The following PRKCB variants were observed in gnomAD, a reference collection of about 807,000 sequenced individuals.
The protein encoded by PRKCB is protein kinase C beta.
In PRKCB, 13 loss-of-function variants were observed where a neutral mutation model predicts 81.5. That is an observed-to-expected ratio of 0.16 (90% CI 0.10 to 0.25). The LOEUF is 0.25. Among genes scored for constraint, PRKCB ranks in the 10% least tolerant of loss-of-function variants. The pLI is 1.00. For synonymous variants in PRKCB, 335 were observed against 321.4 expected, an observed-to-expected ratio of 1.04 and a Z score of -0.45; for missense variants, 509 against 875.7, an observed-to-expected ratio of 0.58 and a Z score of 5.29.
intron 9 of PRKCB, among the ~76,000 whole-genome samples, chr16:24,151,125 T>G (rs888800163): frequency 6.6e-6 from 1 of 152,226 alleles, no homozygotes; most frequent in African/African-American, 2.4e-5. Context: ...ATGATAAGGT[T>G]ATTTCTGTGT....
chr16:24,018,193 C>G (rs1457223419), intron 3 of PRKCB, among the ~76,000 whole-genome samples: 1 of 152,068 alleles, frequency 6.6e-6, no homozygotes, highest in African/African-American at 2.4e-5. Flanking sequence ...GCCACTGCGC[C>G]CGGCCCATAA....
chr16:24,004,620 A>G (rs1200358910), intron 3 of PRKCB, among the ~76,000 whole-genome samples: 1 of 152,150 alleles, frequency 6.6e-6, no homozygotes, highest in Non-Finnish European at 1.5e-5. Context: ...GCACCACTGC[A>G]CTCCAGCCTG....
At chr16:24,129,674 ATCTG>A (rs1394338387) in intron 9 of PRKCB, among the ~76,000 whole-genome samples, 13 of 151,690 alleles carry the variant, frequency 8.6e-5, no homozygotes, top group African/African-American at 2.4e-4. Flanking sequence ...TTTACCTATT[ATCTG>A]TCTATCTTAT....
chr16:24,124,865 C>T lies in PRKCB; in HGVS notation c.1065+884C>T, dbSNP rs111594123. Among the ~76,000 whole-genome samples, 1,136 of 152,286 alleles carry T rather than the reference C, an allele frequency of 7.5e-3. 10 individuals are homozygous for T. The highest frequency in any genetic ancestry group is 0.026 in the African/African-American group (1,076 of 41,546). On this transcript the variant is annotated intron_variant, in intron 9 of 16. Coordinates refer to ENST00000643927, the MANE Select transcript of PRKCB (RefSeq NM_002738.7). ...TTCCCACTGTTCCTGGCCACCGCCC[C>T]CCACAGCCATGTACAATGCATTGGC...
In PRKCB at chr16:23,988,531, C is replaced by G; in HGVS notation, c.229C>G (p.Arg77Gly). The G allele has an allele frequency of 6.2e-7, 1 of 1,614,058 alleles. No homozygotes were observed. Among genetic ancestry groups the G allele is most frequent in the African/African-American group, 1.3e-5 (1 of 75,044 alleles). The stretch of plus-strand genomic sequence containing the variant: ...AGTTTGCTGCTTTGTGGTGCACAAG[C>G]GGTGCCATGAATTTGTCACATTCTC... ...CQVCCFVVHK[R>G]CHEFVTFSCP... is the part of the protein sequence containing the mutation. Residue 77 changes from arginine to glycine, a missense_variant, in exon 3 of 17, where the codon CGG becomes GGG. Physicochemically the swap from Arg to Gly is moderately radical, Grantham distance 125. Around this residue, in one of 6 missense-constraint regions of PRKCB, gnomAD observed 184 missense variants for 362.9 expected, o/e 0.51. Coordinates refer to ENST00000643927, the MANE Select transcript of PRKCB (RefSeq NM_002738.7).
In PRKCB at chr16:24,219,331, T is replaced by TAACTA. The variant is rs1968283964; in HGVS notation, c.*4515_*4516insAACTA. The TAACTA allele has an allele frequency of 1.1e-6, 1 of 946,078 alleles. No individual in the cohort carries two copies. Among genetic ancestry groups the TAACTA allele is most frequent in the Admixed American group, 8.0e-5 (1 of 12,494 alleles). The allele number at this position is 946,078 out of a possible 1,614,324, so 58.6% of individuals were successfully genotyped here. A position where few individuals can be genotyped will look rare whatever the true frequency, so the allele number is the denominator to read the frequency against. On this transcript the variant is annotated 3_prime_UTR_variant, in exon 17 of 17. Coordinates refer to ENST00000643927, the MANE Select transcript of PRKCB (RefSeq NM_002738.7). ...TTGGGTTTTCTCTCTTATAGTTTGT[T>TAACTA]GACACATGCTAAAAATGTCTTTGGA...
intron 15 of PRKCB, among the ~76,000 whole-genome samples, chr16:24,189,595 T>G (rs1215069205): frequency 7.1e-6 from 1 of 140,928 alleles, no homozygotes; most frequent in East Asian, 2.1e-4. Flanking sequence ...TGACCCGAGA[T>G]CGCGCCTCTG....
rs1965593755 is a variant in PRKCB at position 24,034,858 on chromosome 16, G to A, written c.401-561G>A. Among the ~76,000 whole-genome samples the A allele has an allele frequency of 2.6e-5, 4 of 152,096 alleles. No homozygotes were observed. The South Asian group carries it at 6.2e-4, about 24-fold the overall frequency. On this transcript the variant is annotated intron_variant, in intron 4 of 16. Transcript: ENST00000643927. ...ACATCAGCTTTGATTGCATCCACGT[G>A]GCAAACGAACTTCTCCCCACAAGAG...
intron 3 of PRKCB, among the ~76,000 whole-genome samples, chr16:24,009,097 G>A (rs774295166): frequency 3.9e-5 from 6 of 152,052 alleles, no homozygotes; most frequent in African/African-American, 1.2e-4. Flanking sequence ...CCATTTGTTC[G>A]TCAGTGGACA....
intron 2 of PRKCB, among the ~76,000 whole-genome samples, chr16:23,882,834 T>C (rs1963145241): frequency 6.7e-6 from 1 of 149,834 alleles, no homozygotes; most frequent in Non-Finnish European, 1.5e-5. Context: ...GCAATCCTCC[T>C]ACCTCAGCCT....
intron 5 of PRKCB, among the ~76,000 whole-genome samples, chr16:24,078,303 G>A (rs967725534): frequency 5.3e-5 from 8 of 152,230 alleles, no homozygotes; most frequent in African/African-American, 1.9e-4. Context: ...CAGCACCCAA[G>A]CAAGGGTGGG....
intron 2 of PRKCB, among the ~76,000 whole-genome samples, chr16:23,897,369 T>C (rs141787233): frequency 1.3e-5 from 2 of 152,350 alleles, no homozygotes; most frequent in East Asian, 3.9e-4. Context: ...TGCAAGGGCA[T>C]TTTGAATATA....
chr16:23,995,223 TAA>T (rs1257775939), intron 3 of PRKCB, among the ~76,000 whole-genome samples: 5 of 152,066 alleles, frequency 3.3e-5, no homozygotes, highest in Admixed American at 1.3e-4. Flanking sequence ...ATTCCTCATT[TAA>T]GTGTGTTATG....
chr16:24,037,312 C>T (rs973801405), intron 5 of PRKCB, among the ~76,000 whole-genome samples: 1 of 152,094 alleles, frequency 6.6e-6, no homozygotes, highest in African/African-American at 2.4e-5. Flanking sequence ...GTTTTATGAA[C>T]AAAGAAGCCA....
chr16:24,153,602 G>C (rs377133), intron 9 of PRKCB, among the ~76,000 whole-genome samples: 55,244 of 151,960 alleles, frequency 0.36, 10,414 homozygotes, highest in South Asian at 0.47. Flanking sequence ...TCATTGTTCT[G>C]TCTGGCATAA....
chr16:23,957,723 C>T (rs1471760104), intron 2 of PRKCB, among the ~76,000 whole-genome samples: 4 of 151,954 alleles, frequency 2.6e-5, no homozygotes, highest in African/African-American at 7.3e-5. Flanking sequence ...CTCTTCCCTT[C>T]ATCTGGCCAT....
intron 3 of PRKCB, among the ~76,000 whole-genome samples, chr16:24,003,725 ATGG>A (rs1965072989): frequency 6.6e-6 from 1 of 152,184 alleles, no homozygotes; most frequent in Non-Finnish European, 1.5e-5. Context: ...AAATGTTCTG[ATGG>A]AGTTGGTTCT....
intron 2 of PRKCB, among the ~76,000 whole-genome samples, chr16:23,880,384 C>T (rs886196509): frequency 6.6e-6 from 1 of 152,128 alleles, no homozygotes; most frequent in African/African-American, 2.4e-5. Context: ...CTCCTTCTCC[C>T]CCTCCTTCTC....
chr16:24,108,164 T>A (rs1467716764), intron 7 of PRKCB, among the ~76,000 whole-genome samples: 6 of 141,568 alleles, frequency 4.2e-5, no homozygotes, highest in South Asian at 4.2e-4. Flanking sequence ...TTGTTTATTT[T>A]TTTTTCTTTT....
Sources: gnomAD v4.1 joint callset for allele counts (sites outside exome capture counted in the v4.1 genomes callset) on GRCh38, gnomAD v4.1.1 for gene constraint, gnomAD v4.1.1 regional missense constraint, MANE v1.5 for transcripts, NCBI Gene and HGNC (gene_info 2026-07-23, HGNC 2026-07-21) for gene names.